The following NIPBL variants were observed in gnomAD, a reference collection of about 807,000 sequenced individuals.
NIPBL encodes NIPBL cohesin loading factor, also known as nipped-B-like protein.
A neutral mutation model predicts 321.8 loss-of-function variants in NIPBL; 19 were observed. The ratio of observed to expected loss-of-function variants is 0.06; its 90% CI spans 0.04 to 0.09. The LOEUF (loss-of-function observed/expected upper bound fraction) is 0.09. Among genes scored for constraint, NIPBL ranks in the 10% least tolerant of loss-of-function variants. The probability of loss-of-function intolerance (pLI) is 1.00; values close to 1 mark genes in which losing one functional copy is unlikely to be tolerated. For missense variants in NIPBL, 2,210 were observed against 3,327.0 expected (o/e 0.66, Z 8.26); for synonymous variants, 1,106 against 1,114.1 (o/e 0.99, Z 0.14).
At chr5:37,039,779 C>G (rs185224513) in intron 34 of NIPBL, among the ~76,000 whole-genome samples, 1 of 152,056 alleles carries the variant, frequency 6.6e-6, no homozygotes, top group African/African-American at 2.4e-5. Flanking sequence ...CTCAGGACTT[C>G]CTGAGAAAAC....
At chr5:36,925,171 C>G (rs1479826689) in intron 1 of NIPBL, among the ~76,000 whole-genome samples, 1 of 152,010 alleles carries the variant, frequency 6.6e-6, no homozygotes, top group Non-Finnish European at 1.5e-5. Context: ...CTATTAATAG[C>G]ATTGATAGTA....
chr5:36,991,109 C>G (rs947161990), intron 10 of NIPBL, among the ~76,000 whole-genome samples: 9 of 151,964 alleles, frequency 5.9e-5, no homozygotes, highest in Non-Finnish European at 4.4e-5. Context: ...ATGGATCTCT[C>G]TGTCTTGCCT....
At chr5:37,044,542 T>G in intron 35 of NIPBL, 55 bp downstream of exon 35, 1 of 1,589,962 alleles carries the variant, frequency 6.3e-7, no homozygotes, top group Non-Finnish European at 8.6e-7. Context: ...CTAATGTATT[T>G]TATTAAAATT....
intron 3 of NIPBL, among the ~76,000 whole-genome samples, chr5:36,956,519 A>G (rs936522187): frequency 6.6e-6 from 1 of 151,946 alleles, no homozygotes; most frequent in Admixed American, 6.6e-5. Flanking sequence ...TGGATTTTCT[A>G]ATGGAGAAGC....
At chr5:36,925,783 C>G (rs1367572271) in intron 1 of NIPBL, among the ~76,000 whole-genome samples, 2 of 152,168 alleles carry the variant, frequency 1.3e-5, no homozygotes, top group African/African-American at 4.8e-5. Context: ...TCCTACGTAA[C>G]TTACAGTTCC....
intron 8 of NIPBL, among the ~76,000 whole-genome samples, chr5:36,975,385 GT>G (rs1265259754): frequency 6.6e-6 from 1 of 152,074 alleles, no homozygotes; most frequent in Admixed American, 6.5e-5. Flanking sequence ...GGATATATCT[GT>G]TTTCCCAGAT....
intron 37 of NIPBL, among the ~76,000 whole-genome samples, 190 bp downstream of exon 37, chr5:37,045,787 G>T (rs146243490): frequency 7.2e-5 from 11 of 152,268 alleles, no homozygotes; most frequent in Non-Finnish European, 1.3e-4. Flanking sequence ...TGTTACTGGT[G>T]TGTAACCAGA....
chr5:37,048,832 A>G (rs1246143891), intron 39 of NIPBL, among the ~76,000 whole-genome samples, 157 bp downstream of exon 39: 1 of 152,172 alleles, frequency 6.6e-6, no homozygotes, highest in Non-Finnish European at 1.5e-5. Context: ...GCTTTAGCAT[A>G]TTCTTAAATT....
rs545538991 is a variant in NIPBL, at chr5:37,005,078, A to G, written c.3856-1279A>G. On this transcript the variant is annotated intron_variant, in intron 16 of 46. Coordinates refer to ENST00000282516, the MANE Select transcript of NIPBL (RefSeq NM_133433.4). ...TCTTGAAACATGAGGATTTTTTGCA[A>G]TTTCTTTTTACGCTCATCAGCTATC... Among the ~76,000 whole-genome samples, 6 of 152,208 alleles carry G rather than the reference A, an allele frequency of 3.9e-5. No individual in the cohort carries two copies. In the South Asian group the frequency reaches 1.2e-3, roughly 32 times the overall value.
In NIPBL at chr5:36,976,146, A is replaced by G. The variant is rs1284674257; in HGVS notation, c.1239A>G (p.Pro413=). The part of the protein sequence containing the change: ...TPITPQDINR[P]LNAAQCLSQQ... The stretch of plus-strand genomic sequence containing the variant: ...TTACTCCACAAGATATAAACCGCCC[A>G]CTAAATGCTGCTCAATGTTTGTCGC... Residue 413 remains proline (P), a synonymous_variant, in exon 9 of 47, where the codon CCA becomes CCG. Coordinates refer to ENST00000282516, the MANE Select transcript of NIPBL (RefSeq NM_133433.4). The G allele has an allele frequency of 1.2e-6, 2 of 1,613,392 alleles. No individual in the cohort carries two copies. The highest frequency in any genetic ancestry group is 2.7e-5 in the African/African-American group (2 of 74,904).
At chr5:37,030,395 C>T (rs779950930) in intron 32 of NIPBL, among the ~76,000 whole-genome samples, 7 of 151,950 alleles carry the variant, frequency 4.6e-5, no homozygotes, top group Non-Finnish European at 1.0e-4. Context: ...ATATATATGA[C>T]AGAGACATAA....
intron 1 of NIPBL, among the ~76,000 whole-genome samples, chr5:36,928,430 A>G (rs1258064641): frequency 6.6e-6 from 1 of 152,222 alleles, no homozygotes; most frequent in Non-Finnish European, 1.5e-5. Context: ...TATGATCAGT[A>G]TGTACAATAA....
At chr5:36,893,572 C>T (rs1417402701) in intron 1 of NIPBL, among the ~76,000 whole-genome samples, 2 of 151,632 alleles carry the variant, frequency 1.3e-5, no homozygotes, top group Non-Finnish European at 2.9e-5. Flanking sequence ...TTAGACTTCT[C>T]AATCATTCAG....
intron 1 of NIPBL, among the ~76,000 whole-genome samples, chr5:36,883,324 A>G (rs918962459): frequency 1.3e-5 from 2 of 151,892 alleles, no homozygotes; most frequent in Admixed American, 1.3e-4. Flanking sequence ...ACAGAAAAGA[A>G]AAACTTTTTC....
chr5:36,906,937 C>A (rs1475103868), intron 1 of NIPBL, among the ~76,000 whole-genome samples: 1 of 152,174 alleles, frequency 6.6e-6, no homozygotes, highest in Non-Finnish European at 1.5e-5. Flanking sequence ...TACATTGTAA[C>A]TTTAGACTTG....
chr5:36,910,717 G>T (rs554275783), intron 1 of NIPBL, among the ~76,000 whole-genome samples: 19 of 152,074 alleles, frequency 1.2e-4, no homozygotes, highest in Non-Finnish European at 2.8e-4. Context: ...GAAGGTAAAG[G>T]TAAAGGGAGA....
At chr5:36,953,523 A>C in intron 1 of NIPBL, 95 bp from the exon 2 acceptor site, 1 of 639,102 alleles carries the variant, frequency 1.6e-6, no homozygotes, top group South Asian at 1.9e-5. Flanking sequence ...GAACAAACCA[A>C]AGCAGTAACT....
chr5:37,007,808 A>C (rs551085769), intron 18 of NIPBL, among the ~76,000 whole-genome samples, 200 bp from the exon 19 acceptor site: 1 of 152,132 alleles, frequency 6.6e-6, no homozygotes, highest in South Asian at 2.1e-4. Flanking sequence ...GCTATGATAC[A>C]ATGTACCTGT....
chr5:37,065,238 G>A lies in NIPBL; in HGVS notation c.*346G>A, dbSNP rs1250537546. On this transcript the variant is annotated 3_prime_UTR_variant, in exon 47 of 47. Transcript: ENST00000282516. ...TAAAGTGTTCTTGGAGTTTAACCTA[G>A]CAGCGGATGGCTTTCTTTAGCTTAG... 2 of 268,050 alleles carry A rather than the reference G, an allele frequency of 7.5e-6. No individual in the cohort carries two copies. The highest frequency in any genetic ancestry group is 4.6e-5 in the African/African-American group (2 of 43,430). The allele number at this position is 268,050 out of a possible 1,614,324, so 16.6% of individuals were successfully genotyped here. A position where few individuals can be genotyped will look rare whatever the true frequency, so the allele number is the denominator to read the frequency against.
Sources: gnomAD v4.1 joint callset for allele counts (sites outside exome capture counted in the v4.1 genomes callset) on GRCh38, gnomAD v4.1.1 for gene constraint, MANE v1.5 for transcripts, NCBI Gene and HGNC (gene_info 2026-07-23, HGNC 2026-07-21) for gene names.